ANKRD17: variants seen among roughly 807,000 people sequenced by gnomAD.
ANKRD17 encodes the protein ankyrin repeat domain-containing protein 17.
ANKRD17 carries 19 observed loss-of-function variants against 229.7 expected under a neutral mutation model. The ratio of observed to expected loss-of-function variants is 0.08; its 90% CI spans 0.06 to 0.12. The LOEUF is 0.12. Among genes scored for constraint, ANKRD17 ranks in the 10% least tolerant of loss-of-function variants. The pLI, the probability that ANKRD17 is intolerant of heterozygous loss-of-function variation, is 1.00. For missense variants in ANKRD17, 2,176 were observed against 3,176.8 expected (o/e 0.68, Z 7.57); for synonymous variants, 1,112 against 1,146.1 (o/e 0.97, Z 0.60).
chr4:73,076,426 C>CT lies in ANKRD17; in HGVS notation c.7753-137dup, dbSNP rs1179496855. ...ACTAATGGAAAAAAATGATAAAAACCTTTTTTCTATTATTTTCCTACCTCT... is the reference window on the plus strand; with the variant it reads ...ACTAATGGAAAAAAATGATAAAAACCTTTTTTTCTATTATTTTCCTACCTCT... On this transcript the variant is annotated intron_variant, in intron 33 of 33. Coordinates refer to ENST00000358602, the MANE Select transcript of ANKRD17 (RefSeq NM_032217.5). The CT allele has an allele frequency of 2.7e-5, 15 of 551,156 alleles. No homozygotes were observed. The Admixed American group carries it at 6.1e-4, about 22-fold the overall frequency. 34.1% of individuals were successfully genotyped at this position (551,156 alleles called of 1,614,324 possible).
At chr4:73,218,095 A>G (rs1649382334) in intron 1 of ANKRD17, among the ~76,000 whole-genome samples, 2 of 152,188 alleles carry the variant, frequency 1.3e-5, no homozygotes, top group South Asian at 4.1e-4. Context: ...AAAAATGAGA[A>G]CCAGTGGATG....
Position 73,148,624 on chromosome 4 carries a change from A to AAAG in ANKRD17, c.1567+186_1567+188dup, listed in dbSNP as rs1264056339. Among the ~76,000 whole-genome samples the AAAG allele has an allele frequency of 2.0e-5, 3 of 152,302 alleles. No homozygotes were observed. The East Asian group carries it at 5.8e-4, about 29-fold the overall frequency. ...ATGATGTCTCTGAAAGCTCTATATG[A>AAAG]AAGAAGTTTCTTTGATTTTGTTTTA... On this transcript the variant is annotated intron_variant, in intron 8 of 33. Transcript: ENST00000358602.
At chr4:73,100,534 T>G (rs1393305814) in intron 25 of ANKRD17, among the ~76,000 whole-genome samples, 1 of 151,922 alleles carries the variant, frequency 6.6e-6, no homozygotes, top group Non-Finnish European at 1.5e-5. Context: ...AAAATATAAG[T>G]ATGTACTGTA....
chr4:73,232,927 T>C (rs913450715), intron 1 of ANKRD17, among the ~76,000 whole-genome samples: 1 of 152,180 alleles, frequency 6.6e-6, no homozygotes, highest in Admixed American at 6.6e-5. Context: ...TTCACCATGT[T>C]GGCCAGGCTG....
At chr4:73,117,410 A>G (rs1356829083) in intron 22 of ANKRD17, among the ~76,000 whole-genome samples, 3 of 152,220 alleles carry the variant, frequency 2.0e-5, no homozygotes, top group African/African-American at 7.2e-5. Flanking sequence ...GAAACTGGGG[A>G]GACACAGAAA....
Position 73,092,038 on chromosome 4 carries a change from T to C in ANKRD17, c.5590A>G (p.Lys1864Glu), listed in dbSNP as rs1457232105. ...VPAISSASTH[K>E]TIKNPVNNVR... ...TTATTCACTGGGTTCTTAATGGTTT[T>C]GTGAGTGGATGCAGAAGAAATTGCA... Residue 1864 changes from lysine (K) to glutamate (E), a missense_variant, in exon 29 of 34, where the codon AAA becomes GAA. Transcript: ENST00000358602. 6.2e-7 allele frequency: 1 copy of C among 1,614,202 alleles called. No homozygotes were observed. Among genetic ancestry groups the C allele is most frequent in the Non-Finnish European group, 8.5e-7 (1 of 1,180,036 alleles).
At chr4:73,144,858 T>C (rs759318643) in intron 10 of ANKRD17, 26 bp from the exon 11 acceptor site, 2 of 1,346,444 alleles carry the variant, frequency 1.5e-6, no homozygotes, top group South Asian at 2.6e-5. Flanking sequence ...AAAAAAGACT[T>C]GACATTTAAT....
At chr4:73,124,850 A>G in intron 18 of ANKRD17, 63 bp downstream of exon 18, 1 of 1,556,164 alleles carries the variant, frequency 6.4e-7, no homozygotes, top group Non-Finnish European at 8.7e-7. Context: ...AAAATAATAT[A>G]AGTGAAAGTA....
At chr4:73,257,575 T>C (rs1263243159) in intron 1 of ANKRD17, among the ~76,000 whole-genome samples, 1 of 152,206 alleles carries the variant, frequency 6.6e-6, no homozygotes, top group Non-Finnish European at 1.5e-5. Flanking sequence ...ATATTTTTCA[T>C]CCACTTACAA....
intron 29 of ANKRD17, among the ~76,000 whole-genome samples, chr4:73,087,727 A>G (rs1722343401): frequency 6.6e-6 from 1 of 152,222 alleles, no homozygotes; most frequent in African/African-American, 2.4e-5. Flanking sequence ...TGGGTGCAGT[A>G]ATAGTGGCAT....
At chr4:73,080,598 C>T (rs1276139319) in intron 30 of ANKRD17, 1 of 152,102 alleles carries the variant, frequency 6.6e-6, no homozygotes, top group Non-Finnish European at 1.5e-5. Flanking sequence ...CACACCTAAA[C>T]CTCTAGGAAA....
rs2149227615 is a variant in ANKRD17 at position 73,226,707 on chromosome 4, T to C, written c.393+31569A>G. On this transcript the variant is annotated intron_variant, in intron 1 of 33. Transcript: ENST00000358602. ...CGCACCTGGCCCAATAGTAGTAATT[T>C]CTTTATTCTTTCTTTTTCTTTTTTG... Among the ~76,000 whole-genome samples the C allele has an allele frequency of 2.0e-5, 3 of 152,200 alleles. 1 individual carries two copies. The South Asian group carries it at 6.2e-4, about 32-fold the overall frequency.
chr4:73,091,613 T>C lies in ANKRD17; in HGVS notation c.6015A>G (p.Thr2005=). The C allele has an allele frequency of 6.2e-7, 1 of 1,614,198 alleles. No homozygotes were observed. The highest frequency in any genetic ancestry group is 8.5e-7 in the Non-Finnish European group (1 of 1,180,036). Residue 2005 remains threonine (T), a synonymous_variant, in exon 29 of 34, where the codon ACA becomes ACG. Coordinates refer to ENST00000358602, the MANE Select transcript of ANKRD17 (RefSeq NM_032217.5). ...RRQLFVTVVK[T]SNATTTTVTT... is the part of the protein sequence containing the mutation. ...TGACTGTTGTTGTGGTGGCATTGGA[T>C]GTCTTCACAACTGTGACAAAAAGCT...
intron 22 of ANKRD17, 84 bp from the exon 23 acceptor site, chr4:73,116,000 G>A: frequency 9.0e-7 from 1 of 1,113,590 alleles, no homozygotes; most frequent in Non-Finnish European, 1.4e-6. Context: ...TAACAGTTAA[G>A]ATTAGGGCCA....
intron 24 of ANKRD17, chr4:73,113,024 G>C: frequency 1.0e-6 from 1 of 985,936 alleles, no homozygotes; most frequent in Non-Finnish European, 1.3e-6. Context: ...CTGACCTCAG[G>C]TGATGTGCCC....
intron 1 of ANKRD17, among the ~76,000 whole-genome samples, chr4:73,188,975 G>C (rs1255828464): frequency 6.6e-6 from 1 of 152,152 alleles, no homozygotes; most frequent in East Asian, 1.9e-4. Flanking sequence ...TCAAGAAATG[G>C]TAGACAACCT....
At chr4:73,116,846 A>G (rs1231697173) in intron 22 of ANKRD17, among the ~76,000 whole-genome samples, 1 of 151,980 alleles carries the variant, frequency 6.6e-6, no homozygotes, top group Non-Finnish European at 1.5e-5. Context: ...AGACATATAT[A>G]CACAACATAT....
chr4:73,120,405 T>C (rs1359687690), intron 20 of ANKRD17, 68 bp from the exon 21 acceptor site: 35 of 1,442,082 alleles, frequency 2.4e-5, no homozygotes, highest in Non-Finnish European at 2.8e-5. Flanking sequence ...TTGTAAAGAA[T>C]AACAACTTGA....
At chr4:73,201,805 A>G (rs749599774) in intron 1 of ANKRD17, among the ~76,000 whole-genome samples, 11 of 152,194 alleles carry the variant, frequency 7.2e-5, no homozygotes, top group Non-Finnish European at 1.0e-4. Context: ...AGCTGCTTGG[A>G]GCAATTTTCA....
Sources: allele counts gnomAD v4.1 joint callset (sites outside exome capture counted in the v4.1 genomes callset), GRCh38; gene constraint gnomAD v4.1.1; transcripts MANE v1.5; gene names NCBI Gene and HGNC (gene_info 2026-07-23, HGNC 2026-07-21).